The following METTL15 variants were observed in gnomAD, a reference collection of about 807,000 sequenced individuals.
The protein encoded by METTL15 is 12S rRNA N(4)-cytidine methyltransferase METTL15.
In METTL15, 34 loss-of-function variants were observed where a neutral mutation model predicts 38.3. That is an observed-to-expected ratio of 0.89 (90% CI 0.68 to 1.18). The LOEUF is 1.18. METTL15 is among the 50% of genes most tolerant of loss of function. METTL15 has a pLI of 0.00. For missense variants in METTL15, 438 were observed against 498.4 expected, an observed-to-expected ratio of 0.88 and a Z score of 1.15; for synonymous variants, 162 against 170.9, an observed-to-expected ratio of 0.95 and a Z score of 0.41.
At chr11:28,270,088 T>C (rs1196274909) in intron 4 of METTL15, among the ~76,000 whole-genome samples, 1 of 152,202 alleles carries the variant, frequency 6.6e-6, no homozygotes, top group African/African-American at 2.4e-5. Flanking sequence ...ATTCAATAAT[T>C]ATTACTACTG....
At chr11:28,260,880 T>C (rs149650344) in intron 4 of METTL15, among the ~76,000 whole-genome samples, 1 of 152,292 alleles carries the variant, frequency 6.6e-6, no homozygotes, top group Non-Finnish European at 1.5e-5. Flanking sequence ...CCATAGGCTG[T>C]AGGGTAGGAA....
intron 6 of METTL15, among the ~76,000 whole-genome samples, chr11:28,494,274 A>G (rs555466483): frequency 3.4e-4 from 52 of 152,248 alleles, no homozygotes; most frequent in African/African-American, 1.2e-3. Flanking sequence ...CACTTTAATT[A>G]TCTACTGTCA....
downstream of METTL15, among the ~76,000 whole-genome samples, chr11:28,337,216 TTAAGC>T (rs1425070044): frequency 1.3e-5 from 2 of 152,122 alleles, no homozygotes; most frequent in Non-Finnish European, 2.9e-5. Context: ...AAAACTTACT[TTAAGC>T]TAAAGTAGTT....
chr11:28,318,703 C>A (rs951913234), intron 6 of METTL15, among the ~76,000 whole-genome samples: 5 of 149,944 alleles, frequency 3.3e-5, no homozygotes, highest in Admixed American at 7.5e-5. Context: ...TTCTCCTCAT[C>A]TTGCTTAACT....
At chr11:28,393,003 A>AT (rs756061138) in intron 5 of METTL15, among the ~76,000 whole-genome samples, 56 of 152,132 alleles carry the variant, frequency 3.7e-4, no homozygotes, top group Admixed American at 1.6e-3. Context: ...AAGAAAAAAA[A>AT]GCAAAACAGA....
At chr11:28,427,683 C>A (rs1850877366) in intron 6 of METTL15, among the ~76,000 whole-genome samples, 1 of 152,158 alleles carries the variant, frequency 6.6e-6, no homozygotes, top group African/African-American at 2.4e-5. Context: ...GTATTTTATT[C>A]TTTTTGTGGC....
chr11:28,148,584 C>CG (rs1330569143), intron 3 of METTL15, among the ~76,000 whole-genome samples: 4 of 151,922 alleles, frequency 2.6e-5, no homozygotes, highest in Non-Finnish European at 5.9e-5. Context: ...TATAATTTTG[C>CG]TTCTCTAGTC....
intron 5 of METTL15, among the ~76,000 whole-genome samples, chr11:28,386,082 G>C (rs375459620): frequency 1.5e-3 from 230 of 151,924 alleles, no homozygotes; most frequent in African/African-American, 5.5e-3. Context: ...TAATCTCCAT[G>C]GTGACCACAA....
At chr11:28,372,450 C>CTTTTTTTTTTTTTTT (rs56304548) in intron 5 of METTL15, among the ~76,000 whole-genome samples, 3 of 101,574 alleles carry the variant, frequency 3.0e-5, no homozygotes, top group Non-Finnish European at 4.1e-5. Context: ...TTGTTGTGTT[C>CTTTTTTTTTTTTTTT]TTTTTTTTTT....
At chr11:28,387,884 A>G (rs1197496959) in intron 5 of METTL15, among the ~76,000 whole-genome samples, 1 of 152,142 alleles carries the variant, frequency 6.6e-6, no homozygotes, top group Admixed American at 6.6e-5. Context: ...CAATGCAAAT[A>G]TGGTTCAGCA....
chr11:28,498,827 A>G (rs914918300), intron 6 of METTL15, among the ~76,000 whole-genome samples: 3 of 152,248 alleles, frequency 2.0e-5, no homozygotes, highest in African/African-American at 7.2e-5. Flanking sequence ...TTCATGGCAC[A>G]TCTTGCCTTA....
intron 3 of METTL15, among the ~76,000 whole-genome samples, chr11:28,115,340 C>G (rs1317436938): frequency 6.6e-6 from 1 of 151,762 alleles, no homozygotes; most frequent in Non-Finnish European, 1.5e-5. Flanking sequence ...CCCACCGCAA[C>G]CTCTGCTTCC....
chr11:28,481,948 G>A (rs1851398625), intron 6 of METTL15, among the ~76,000 whole-genome samples: 1 of 152,136 alleles, frequency 6.6e-6, no homozygotes, highest in South Asian at 2.1e-4. Context: ...GTTTAATTCT[G>A]AAATACATTT....
At chr11:28,237,438 G>T (rs1854049941) in intron 4 of METTL15, among the ~76,000 whole-genome samples, 1 of 152,026 alleles carries the variant, frequency 6.6e-6, no homozygotes, top group Non-Finnish European at 1.5e-5. Flanking sequence ...CTCGAGCCTT[G>T]GCTTTCAGCT....
chr11:28,377,211 T>A (rs978950658), intron 5 of METTL15, among the ~76,000 whole-genome samples: 12 of 149,042 alleles, frequency 8.1e-5, no homozygotes, highest in Admixed American at 2.0e-4. Context: ...TGGCCTGCCT[T>A]GCTAGATTGG....
downstream of METTL15, among the ~76,000 whole-genome samples, chr11:28,334,148 TAAAA>T (rs1247989389): frequency 6.6e-6 from 1 of 151,904 alleles, no homozygotes; most frequent in African/African-American, 2.4e-5. Context: ...TAGGAAGAAA[TAAAA>T]AAATACCTTT....
intron 6 of METTL15, among the ~76,000 whole-genome samples, chr11:28,303,009 G>A (rs748941206): frequency 3.3e-5 from 5 of 152,108 alleles, no homozygotes; most frequent in Non-Finnish European, 5.9e-5. Context: ...TGTATTTGAT[G>A]TATTGATGTT....
intron 3 of METTL15, among the ~76,000 whole-genome samples, chr11:28,120,790 A>C (rs186912493): frequency 6.6e-6 from 1 of 152,176 alleles, no homozygotes; most frequent in East Asian, 1.9e-4. Context: ...GGGTTTGTCA[A>C]CTTATCCTTC....
Position 28,179,426 on chromosome 11 carries a change from T to C in METTL15, c.271-31636T>C, listed in dbSNP as rs990556954. Among the ~76,000 whole-genome samples the C allele has an allele frequency of 2.0e-5, 3 of 151,708 alleles. No individual in the cohort carries two copies. The Admixed American group carries it at 2.0e-4, about 10-fold the overall frequency. On this transcript the variant is annotated intron_variant, in intron 3 of 6. Coordinates refer to ENST00000407364, the MANE Select transcript of METTL15 (RefSeq NM_001113528.2). ...TGTAATTACTACTCAAATGAAGATA[T>C]GTAACATCTCTCACTCAGAAAGCCT...
Sources: allele counts gnomAD v4.1 joint callset (sites outside exome capture counted in the v4.1 genomes callset), GRCh38; gene constraint gnomAD v4.1.1; transcripts MANE v1.5; gene names NCBI Gene and HGNC (gene_info 2026-07-23, HGNC 2026-07-21).